SPAG9: variants seen among roughly 807,000 people sequenced by gnomAD.
SPAG9 encodes the protein sperm associated antigen 9.
A neutral mutation model predicts 166.5 loss-of-function variants in SPAG9; 35 were observed. That is an observed-to-expected ratio of 0.21 (90% confidence interval 0.16 to 0.28). The LOEUF is 0.28. Ranked by LOEUF, SPAG9 falls within the 10% of genes least tolerant of loss-of-function variation. The pLI is 1.00. For missense variants in SPAG9, 1,235 were observed against 1,603.3 expected (o/e 0.77, Z 3.92); for synonymous variants, 534 against 565.5 (o/e 0.94, Z 0.79).
intron 1 of SPAG9, among the ~76,000 whole-genome samples, chr17:51,096,054 G>GATATATATATATATATAGTGAT (rs1205885218): frequency 1.5e-5 from 2 of 135,616 alleles, no homozygotes; most frequent in African/African-American, 5.5e-5. Flanking sequence ...TATATATAGT[G>GATATATATATATATATAGTGAT]ATATATATAT....
chr17:50,990,456 G>A lies in SPAG9; in HGVS notation c.2611C>T (p.Pro871Ser). Residue 871 changes from proline to serine, a missense_variant, in exon 20 of 30, where the codon CCA becomes TCA. By Grantham distance (74) the Pro-to-Ser change is moderately conservative. Coordinates refer to ENST00000262013, the MANE Select transcript of SPAG9 (RefSeq NM_001130528.3). ...TNGASPVMDKPPEMEAENSEV... is the reference protein window; with the variant it reads ...TNGASPVMDKSPEMEAENSEV... ...GTAAAGAGAATGGATATACCTGGTGGTTTATCCATCACTGGAGAAGCACCA... is the reference window on the plus strand; with the variant it reads ...GTAAAGAGAATGGATATACCTGGTGATTTATCCATCACTGGAGAAGCACCA... 1 of 1,612,280 alleles carries A rather than the reference G, an allele frequency of 6.2e-7. No homozygotes were observed. Among genetic ancestry groups the A allele is most frequent in the Non-Finnish European group, 8.5e-7 (1 of 1,178,272 alleles).
intron 2 of SPAG9, 102 bp downstream of exon 2, chr17:51,079,481 CT>C: frequency 9.4e-7 from 1 of 1,062,098 alleles, no homozygotes; most frequent in Non-Finnish European, 1.4e-6. Flanking sequence ...CCAAGTGATC[CT>C]CCTACCTCGG....
intron 5 of SPAG9, among the ~76,000 whole-genome samples, chr17:51,037,685 AGTGTGTGT>A (rs746475393): frequency 1.2e-4 from 10 of 83,498 alleles, no homozygotes; most frequent in South Asian, 4.1e-4. Context: ...ATATATATAT[AGTGTGTGT>A]GTGTGTGTGT....
intron 2 of SPAG9, among the ~76,000 whole-genome samples, chr17:51,057,600 G>C (rs910394219): frequency 6.6e-6 from 1 of 152,134 alleles, no homozygotes; most frequent in Non-Finnish European, 1.5e-5. Context: ...AATTCATTTT[G>C]GGTTTGTGTA....
At chr17:51,037,665 T>TTTTATATATATATATA (rs1239466619) in intron 5 of SPAG9, among the ~76,000 whole-genome samples, 33 of 92,910 alleles carry the variant, frequency 3.6e-4, no homozygotes, top group African/African-American at 1.2e-3. Flanking sequence ...TATATGTGTT[T>TTTTATATATATATATA]TATATATATA....
chr17:51,089,620 T>TTATATATATA lies in SPAG9; in HGVS notation c.304-9926_304-9917dup, dbSNP rs746370783. ...TATATGTATATATATACACTTTATT[T>TTATATATATA]TATATATATATATATATATATATAT... On this transcript the variant is annotated intron_variant, in intron 1 of 29. Transcript: ENST00000262013. Among the ~76,000 whole-genome samples, 135 of 40,376 alleles carry TTATATATATA rather than the reference T, an allele frequency of 3.3e-3. 1 individual carries two copies. Among genetic ancestry groups the TTATATATATA allele is most frequent in the East Asian group, 6.6e-3 (7 of 1,054 alleles). The allele number at this position is 40,376 out of a possible 152,430, so 26.5% of individuals were successfully genotyped here.
rs761195074 is a variant in SPAG9, at chr17:51,120,650, G to A, written c.7C>T (p.Leu3=). ME[L]EDGVVYQEEP... is the part of the protein sequence containing the mutation. ...TCCTGATACACCACACCGTCCTCCA[G>A]CTCCATGGTGGCAAGCGGACGGGCG... Residue 3 remains leucine, a synonymous_variant, in exon 1 of 30, where the codon CTG becomes TTG. Coordinates refer to ENST00000262013, the MANE Select transcript of SPAG9 (RefSeq NM_001130528.3). The surrounding 1 kb of genome is among the most constrained non-coding windows in gnomAD (Gnocchi z 4.7). The A allele has an allele frequency of 4.4e-6, 7 of 1,600,204 alleles. No individual in the cohort carries two copies. In the South Asian group the frequency reaches 5.6e-5, roughly 13 times the overall value.
chr17:51,114,371 C>T (rs968874220), intron 1 of SPAG9, among the ~76,000 whole-genome samples: 27 of 151,986 alleles, frequency 1.8e-4, no homozygotes, highest in African/African-American at 6.0e-4. Flanking sequence ...GTGGCTCATG[C>T]CTGTAATCCC....
At chr17:51,012,569 CA>C (rs1160336768) in intron 9 of SPAG9, among the ~76,000 whole-genome samples, 141 of 129,430 alleles carry the variant, frequency 1.1e-3, no homozygotes, top group Admixed American at 1.1e-3. Context: ...GACTATGTCT[CA>C]AAAAAAAAAA....
At chr17:51,081,646 G>A (rs1246755495) in intron 1 of SPAG9, among the ~76,000 whole-genome samples, 1 of 151,910 alleles carries the variant, frequency 6.6e-6, no homozygotes, top group Non-Finnish European at 1.5e-5. Flanking sequence ...GGAGGCTGAG[G>A]CAGGAGAATT....
chr17:50,981,006 C>A (rs1418918165), intron 25 of SPAG9, among the ~76,000 whole-genome samples: 1 of 151,902 alleles, frequency 6.6e-6, no homozygotes, highest in South Asian at 2.1e-4. Flanking sequence ...TGTCTCAAAA[C>A]AAACAAACAA....
chr17:51,014,946 G>A (rs750373887), intron 8 of SPAG9, among the ~76,000 whole-genome samples: 8 of 151,768 alleles, frequency 5.3e-5, no homozygotes, highest in Non-Finnish European at 1.0e-4. Context: ...GTATATGTTT[G>A]TGCCTGAATA....
chr17:51,013,487 A>G (rs8067162), intron 9 of SPAG9, among the ~76,000 whole-genome samples: 7,356 of 152,260 alleles, frequency 0.048, 530 homozygotes, highest in African/African-American at 0.16. Flanking sequence ...ACCACAGACA[A>G]TAAGTAAATG....
chr17:51,076,715 G>A (rs573606803), intron 2 of SPAG9, among the ~76,000 whole-genome samples: 15 of 149,878 alleles, frequency 1.0e-4, no homozygotes, highest in South Asian at 8.5e-4. Flanking sequence ...CAGCCTGGGC[G>A]ATAGAACAAG....
At chr17:51,117,116 A>G (rs1297060679) in intron 1 of SPAG9, among the ~76,000 whole-genome samples, 1 of 152,206 alleles carries the variant, frequency 6.6e-6, no homozygotes, top group Non-Finnish European at 1.5e-5. Context: ...ACAGCAGACT[A>G]GCTCCACACT....
rs924620054 is a variant in SPAG9 at position 50,964,929 on chromosome 17, T to G, written c.*1343A>C. ...CACCACACCCGGTTAATTTATTTTG[T>G]TTTTTTTTTTTGGTAGAGACAGGGT... On this transcript the variant is annotated 3_prime_UTR_variant, in exon 30 of 30. Coordinates refer to ENST00000262013, the MANE Select transcript of SPAG9 (RefSeq NM_001130528.3). 2.0e-5 allele frequency: 3 copies of G among 146,768 alleles called. No individual in the cohort carries two copies. Among genetic ancestry groups the G allele is most frequent in the East Asian group, 2.9e-4 (1 of 3,456 alleles). 9.1% of individuals were successfully genotyped at this position (146,768 alleles called of 1,614,324 possible).
chr17:51,006,331 CAAT>C, intron 10 of SPAG9, 94 bp from the exon 11 acceptor site: 2 of 1,207,300 alleles, frequency 1.7e-6, no homozygotes, highest in Non-Finnish European at 2.3e-6. Flanking sequence ...CAACCATAGA[CAAT>C]AATAATTTAA....
At chr17:51,002,016 T>A (rs8073918) in intron 12 of SPAG9, among the ~76,000 whole-genome samples, 171 bp from the exon 13 acceptor site, 8,345 of 152,134 alleles carry the variant, frequency 0.055, 624 homozygotes, top group African/African-American at 0.17. Flanking sequence ...GACTTTTTTT[T>A]AAAAAAATAT....
In SPAG9 at chr17:50,966,091, C is replaced by T. The variant is rs527589738; in HGVS notation, c.*181G>A. The T allele has an allele frequency of 5.1e-6, 3 of 584,042 alleles. No individual in the cohort carries two copies. The highest frequency in any genetic ancestry group is 9.3e-6 in the Non-Finnish European group (3 of 323,630). 36.2% of individuals were successfully genotyped at this position (584,042 alleles called of 1,614,324 possible). ...TACCTATAACACTGGTGCAGTAACA[C>T]AGCTAGTTCCTCTGTATTGTTATGG... On this transcript the variant is annotated 3_prime_UTR_variant, in exon 30 of 30. Transcript: ENST00000262013.
Sources: gnomAD v4.1 joint callset for allele counts (sites outside exome capture counted in the v4.1 genomes callset) on GRCh38, gnomAD v4.1.1 for gene constraint, Gnocchi (gnomAD v3.1) non-coding constraint, MANE v1.5 for transcripts, NCBI Gene and HGNC (gene_info 2026-07-23, HGNC 2026-07-21) for gene names.